The following ZSWIM4 variants were observed in gnomAD, a reference collection of about 807,000 sequenced individuals.
ZSWIM4 encodes the protein zinc finger SWIM domain-containing protein 4.
A neutral mutation model predicts 102.5 loss-of-function variants in ZSWIM4; 62 were observed. That is an observed-to-expected ratio of 0.60 (90% CI 0.49 to 0.75). The LOEUF is 0.75. Ranked by LOEUF, ZSWIM4 falls within the 30% of genes least tolerant of loss-of-function variation. ZSWIM4 has a pLI of 0.00. For missense variants in ZSWIM4, 1,280 were observed against 1,529.6 expected (o/e 0.84, Z 2.72); for synonymous variants, 652 against 674.5 (o/e 0.97, Z 0.52).
Position 13,825,743 on chromosome 19 carries a change from C to T in ZSWIM4, c.2379+30C>T, listed in dbSNP as rs142728139. 2,134 of 1,591,858 alleles carry T rather than the reference C, an allele frequency of 1.3e-3. 30 individuals carry two copies. The African/African-American group carries it at 0.026, about 19-fold the overall frequency. On this transcript the variant is annotated intron_variant, in intron 12 of 13. Transcript: ENST00000590508. This position sits in a 1 kb window ranked among gnomAD's most constrained non-coding sequence, Gnocchi z 4.6. Reference sequence around the variant, plus strand: ...GGGCTGCCAGGTGGATGCGGGAGGGCGATGGTGGCTCGGGGCCAGGACTGA... The same window carrying T: ...GGGCTGCCAGGTGGATGCGGGAGGGTGATGGTGGCTCGGGGCCAGGACTGA...
chr19:13,797,144 C>T (rs1342348324), intron 1 of ZSWIM4, among the ~76,000 whole-genome samples: 1 of 152,228 alleles, frequency 6.6e-6, no homozygotes, highest in Non-Finnish European at 1.5e-5. Context: ...AGTTCTTGAC[C>T]CACAGAAGCT....
In ZSWIM4 at chr19:13,795,499, G is replaced by C; in HGVS notation, c.-150G>C. The C allele has an allele frequency of 4.7e-6, 1 of 210,720 alleles. No individual in the cohort carries two copies. Among genetic ancestry groups the C allele is most frequent in the South Asian group, 1.9e-4 (1 of 5,400 alleles). The allele number at this position is 210,720 out of a possible 1,614,324, so 13.1% of individuals were successfully genotyped here. The stretch of plus-strand genomic sequence containing the variant: ...CACCCTGCCGGCCCGGCGCGGGTCG[G>C]GGGTGGGTGCGGTAGGGGTCCCGGG... On this transcript the variant is annotated 5_prime_UTR_variant, in exon 1 of 14. Coordinates refer to ENST00000590508, the MANE Select transcript of ZSWIM4 (RefSeq NM_001367834.3).
Position 13,831,032 on chromosome 19 carries a change from G to A in ZSWIM4, c.3303G>A (p.Val1101=). 1 of 1,595,264 alleles carries A rather than the reference G, an allele frequency of 6.3e-7. No individual in the cohort carries two copies. The highest frequency in any genetic ancestry group is 8.5e-7 in the Non-Finnish European group (1 of 1,171,856). The change falls in exon 14 of 14, where the codon GTG becomes GTA. Residue 1101 remains valine (V), a synonymous_variant. Transcript: ENST00000590508. ...YKGKKKLMLL[V]RERFG is the part of the protein sequence containing the mutation. ...GCAAGAAGAAACTCATGCTTTTGGT[G>A]CGGGAGCGTTTTGGTTGAGGGACAG...
chr19:13,830,439 G>A lies in ZSWIM4; in HGVS notation c.2710G>A (p.Ala904Thr). ...LCEKNHSAFEAAYQIVLDAAA... is the reference protein window; with the variant it reads ...LCEKNHSAFETAYQIVLDAAA... ...CGAGAAGAACCACTCGGCCTTCGAG[G>A]CGGCCTACCAGATCGTGCTGGACGC... Residue 904 changes from alanine to threonine, a missense_variant, in exon 14 of 14, where the codon GCG (alanine) becomes ACG (threonine). Transcript: ENST00000590508. 1 of 1,608,786 alleles carries A rather than the reference G, an allele frequency of 6.2e-7. No homozygotes were observed. Among genetic ancestry groups the A allele is most frequent in the Non-Finnish European group, 8.5e-7 (1 of 1,179,894 alleles).
At chr19:13,803,173 C>T (rs915224995) in intron 2 of ZSWIM4, among the ~76,000 whole-genome samples, 1 of 152,182 alleles carries the variant, frequency 6.6e-6, no homozygotes, top group Non-Finnish European at 1.5e-5. Context: ...GACATGGCCC[C>T]GCTGACCACG....
At chr19:13,830,081 C>A in intron 13 of ZSWIM4, 110 bp from the exon 14 acceptor site, 2 of 1,360,126 alleles carry the variant, frequency 1.5e-6, no homozygotes, top group Non-Finnish European at 2.0e-6. Context: ...TTCTGTTCAG[C>A]ATGGTGTGGA....
chr19:13,799,080 CCCTGA>C (rs1459939258), intron 1 of ZSWIM4, among the ~76,000 whole-genome samples: 1 of 151,692 alleles, frequency 6.6e-6, no homozygotes, highest in African/African-American at 2.4e-5. Flanking sequence ...TGAGCCACTG[CCCTGA>C]CCTATTTTTT....
At chr19:13,818,043 C>T in intron 9 of ZSWIM4, 67 bp downstream of exon 9, 2 of 1,426,102 alleles carry the variant, frequency 1.4e-6, no homozygotes, top group Non-Finnish European at 1.8e-6. Context: ...CCTGTAGCGG[C>T]CCGGTTGCTG....
At chr19:13,817,403 G>A (rs1344499814) in intron 8 of ZSWIM4, 50 bp downstream of exon 8, 1 of 1,584,778 alleles carries the variant, frequency 6.3e-7, no homozygotes, top group South Asian at 1.1e-5. Flanking sequence ...CCGCCTCGTT[G>A]GCCACGCCCC....
chr19:13,822,145 CACAA>C (rs1193534869), intron 10 of ZSWIM4, among the ~76,000 whole-genome samples: 1 of 138,774 alleles, frequency 7.2e-6, no homozygotes, highest in Non-Finnish European at 1.5e-5. Context: ...CTTTAAAACA[CACAA>C]ACACACACAC....
chr19:13,829,325 T>G (rs1005917329), intron 13 of ZSWIM4, among the ~76,000 whole-genome samples: 3 of 151,976 alleles, frequency 2.0e-5, no homozygotes, highest in African/African-American at 7.3e-5. Flanking sequence ...GCGCAGTGGC[T>G]CACACCTGTA....
chr19:13,807,782 GATGGATGGATGGGTGT>G (rs1450963704), intron 3 of ZSWIM4, among the ~76,000 whole-genome samples: 3 of 151,542 alleles, frequency 2.0e-5, no homozygotes, highest in Non-Finnish European at 2.9e-5. Context: ...TGGATGGATG[GATGGATGGATGGGTGT>G]ATGGGTGTAT....
chr19:13,803,336 T>C (rs1332684037), intron 2 of ZSWIM4, among the ~76,000 whole-genome samples: 1 of 152,210 alleles, frequency 6.6e-6, no homozygotes, highest in African/African-American at 2.4e-5. Flanking sequence ...CCTGGCTTAC[T>C]TCATCAGCCC....
chr19:13,828,461 G>C (rs1373873639), intron 12 of ZSWIM4, among the ~76,000 whole-genome samples, 184 bp from the exon 13 acceptor site: 1 of 152,068 alleles, frequency 6.6e-6, no homozygotes, highest in African/African-American at 2.4e-5. Flanking sequence ...AATCCTATGA[G>C]ACAGATACTA....
chr19:13,818,058 A>G, intron 9 of ZSWIM4, 82 bp downstream of exon 9: 1 of 1,421,734 alleles, frequency 7.0e-7, no homozygotes, highest in Non-Finnish European at 9.2e-7. Context: ...TTGCTGCCAG[A>G]TGGGAGGCCC....
chr19:13,815,118 T>G (rs1200202882), intron 7 of ZSWIM4: 2 of 176,448 alleles, frequency 1.1e-5, no homozygotes, highest in Non-Finnish European at 2.4e-5. Context: ...GCTATAATTA[T>G]GCCACTGCAC....
At chr19:13,810,379 A>G (rs113479844) in intron 5 of ZSWIM4, among the ~76,000 whole-genome samples, 2,789 of 149,970 alleles carry the variant, frequency 0.019, 84 homozygotes, top group African/African-American at 0.065. Context: ...TGCAACCTCC[A>G]CCTCCTGGGT....
At position 13,831,359 on chromosome 19, in the gene ZSWIM4, G is replaced by A. The variant is rs1975763252; in HGVS notation, c.*309G>A. 6.7e-6 allele frequency: 2 copies of A among 296,382 alleles called. No individual in the cohort carries two copies. The highest frequency in any genetic ancestry group is 8.1e-5 in the South Asian group (1 of 12,410). The allele number at this position is 296,382 out of a possible 1,614,324, so 18.4% of individuals were successfully genotyped here. ...AGGCAAACTCCCCTTACCCAGACTGGCTTGGGCTCCAGGAGGGAGGCTGGG... is the reference window on the plus strand; with the variant it reads ...AGGCAAACTCCCCTTACCCAGACTGACTTGGGCTCCAGGAGGGAGGCTGGG... On this transcript the variant is annotated 3_prime_UTR_variant, in exon 14 of 14. Transcript: ENST00000590508.
In ZSWIM4 at chr19:13,808,140, A is replaced by G. The variant is rs535159606; in HGVS notation, c.713-696A>G. 7.9e-5 allele frequency among the ~76,000 whole-genome samples: 12 copies of G among 152,236 alleles called. No individual in the cohort carries two copies. The East Asian group carries it at 2.1e-3, about 27-fold the overall frequency. On this transcript the variant is annotated intron_variant, in intron 3 of 13. Transcript: ENST00000590508. ...AACACTAAGGGAATGGTGCTACACCATTAGAAACCATCCCCATGATCCAGT... is the reference window on the plus strand; with the variant it reads ...AACACTAAGGGAATGGTGCTACACCGTTAGAAACCATCCCCATGATCCAGT...
Sources: gnomAD v4.1 joint callset for allele counts (sites outside exome capture counted in the v4.1 genomes callset) on GRCh38, gnomAD v4.1.1 for gene constraint, Gnocchi (gnomAD v3.1) non-coding constraint, MANE v1.5 for transcripts, NCBI Gene and HGNC (gene_info 2026-07-23, HGNC 2026-07-21) for gene names.